The following P3H2 variants were observed in gnomAD, a reference collection of about 807,000 sequenced individuals.
P3H2 encodes the protein prolyl 3-hydroxylase 2.
A neutral mutation model predicts 87.0 loss-of-function variants in P3H2; 80 were observed. The observed-to-expected ratio is 0.92, with a 90% CI of 0.77 to 1.11. The LOEUF (loss-of-function observed/expected upper bound fraction) is 1.11. Ranked by LOEUF, P3H2 falls within the 50% of genes least tolerant of loss-of-function variation. P3H2 has a pLI of 0.00. For synonymous variants in P3H2, 367 were observed against 359.3 expected (o/e 1.02, Z -0.24); for missense variants, 1,001 against 923.9 (o/e 1.08, Z -1.08).
Position 189,991,314 on chromosome 3 carries a change from C to T in P3H2, c.824-2276G>A, listed in dbSNP as rs144982903. On this transcript the variant is annotated intron_variant, in intron 3 of 14. Transcript: ENST00000319332. ...GGTGTGTCACAAATTGGTCATTCGTCACATTAATTTTCAGTCTACTTCCTA... is the reference window on the plus strand; with the variant it reads ...GGTGTGTCACAAATTGGTCATTCGTTACATTAATTTTCAGTCTACTTCCTA... Among the ~76,000 whole-genome samples the T allele has an allele frequency of 2.2e-4, 34 of 152,314 alleles. No individual in the cohort carries two copies. In the East Asian group the frequency reaches 6.4e-3, roughly 29 times the overall value.
intron 14 of P3H2, among the ~76,000 whole-genome samples, chr3:189,960,867 A>C (rs1467905211): frequency 6.6e-6 from 1 of 152,246 alleles, no homozygotes; most frequent in African/African-American, 2.4e-5. Flanking sequence ...AGATATACTA[A>C]ATAACAGAAA....
At chr3:190,036,160 TCA>T (rs1185983287) in intron 1 of P3H2, among the ~76,000 whole-genome samples, 2 of 152,194 alleles carry the variant, frequency 1.3e-5, no homozygotes, top group Non-Finnish European at 2.9e-5. Context: ...TAAAATGAAG[TCA>T]CAGTTTGTCT....
At chr3:190,066,348 G>A (rs1726504609) in intron 1 of P3H2, among the ~76,000 whole-genome samples, 1 of 151,868 alleles carries the variant, frequency 6.6e-6, no homozygotes, top group Non-Finnish European at 1.5e-5. Flanking sequence ...AACCTGTATG[G>A]GATTGGTGAC....
At chr3:190,059,778 A>G (rs1726278309) in intron 1 of P3H2, among the ~76,000 whole-genome samples, 1 of 152,266 alleles carries the variant, frequency 6.6e-6, no homozygotes, top group South Asian at 2.1e-4. Flanking sequence ...AGTATCCTGC[A>G]AGAGCCCTAA....
chr3:190,050,516 G>A (rs1725947709), intron 1 of P3H2, among the ~76,000 whole-genome samples: 1 of 151,978 alleles, frequency 6.6e-6, no homozygotes, highest in Non-Finnish European at 1.5e-5. Context: ...GTCAGGTTTT[G>A]TTTTTTTCTG....
At chr3:190,058,257 A>G (rs1726223371) in intron 1 of P3H2, among the ~76,000 whole-genome samples, 1 of 152,104 alleles carries the variant, frequency 6.6e-6, no homozygotes, top group Non-Finnish European at 1.5e-5. Context: ...CTTTTTCAGT[A>G]AGATGGGGAT....
intron 1 of P3H2, among the ~76,000 whole-genome samples, chr3:190,058,928 C>T (rs1726251460): frequency 5.9e-5 from 9 of 152,174 alleles, no homozygotes; most frequent in Admixed American, 3.3e-4. Flanking sequence ...CCTTCTTTCC[C>T]TGCTATCCTT....
At chr3:189,996,828 A>G (rs192026414) in intron 1 of P3H2, among the ~76,000 whole-genome samples, 23 of 152,326 alleles carry the variant, frequency 1.5e-4, no homozygotes, top group Middle Eastern at 3.4e-3. Context: ...AACAGCACAT[A>G]AAATGCTTTA....
rs778614714 is a variant in P3H2 at position 190,120,691 on chromosome 3, A to G, written c.41T>C (p.Leu14Pro). 16 of 1,504,064 alleles carry G rather than the reference A, an allele frequency of 1.1e-5. No homozygotes were observed. The highest frequency in any genetic ancestry group is 2.2e-4 in the Middle Eastern group (1 of 4,626). The allele number at this position is 1,504,064 out of a possible 1,614,324, so 93.2% of individuals were successfully genotyped here. A position where few individuals can be genotyped will look rare whatever the true frequency, so the allele number is the denominator to read the frequency against. The change falls in exon 1 of 15, where the codon CTG becomes CCG. Residue 14 changes from leucine to proline, a missense_variant. Physicochemically the swap from Leu to Pro is moderately conservative, Grantham distance 98 (BLOSUM62 -3). Transcript: ENST00000319332. The stretch of plus-strand genomic sequence containing the variant: ...CAGTGGCGGCGGCAGTAGCAGCGGC[A>G]GCAGCAGCAGCAGCGGCGGCGCCCA... ...RIWAPPLLLL[L>P]PLLLPPPLWG... is the part of the protein sequence containing the mutation.
intron 1 of P3H2, among the ~76,000 whole-genome samples, chr3:190,075,773 T>G (rs1726853386): frequency 6.6e-6 from 1 of 152,096 alleles, no homozygotes; most frequent in Non-Finnish European, 1.5e-5. Flanking sequence ...GGAGATCAGG[T>G]TGAAAGATAG....
chr3:189,994,388 G>A (rs1165463370), intron 2 of P3H2, 105 bp from the exon 3 acceptor site: 1 of 869,990 alleles, frequency 1.1e-6, no homozygotes, highest in Admixed American at 2.1e-5. Flanking sequence ...GATCATCTAG[G>A]TAGATGGGGT....
intron 14 of P3H2, among the ~76,000 whole-genome samples, chr3:189,961,100 C>T (rs1000696890): frequency 6.6e-6 from 1 of 152,150 alleles, no homozygotes; most frequent in Non-Finnish European, 1.5e-5. Context: ...GCCACCATGC[C>T]TGGCTAATTT....
chr3:189,998,946 G>A (rs1046317631), intron 1 of P3H2, among the ~76,000 whole-genome samples: 5 of 152,164 alleles, frequency 3.3e-5, no homozygotes, highest in Non-Finnish European at 7.3e-5. Context: ...GCACTCCTAT[G>A]AGAACCTAAG....
chr3:190,102,964 T>C lies in P3H2; in HGVS notation c.480+17288A>G, dbSNP rs534966549. Among the ~76,000 whole-genome samples the C allele has an allele frequency of 1.9e-4, 29 of 152,354 alleles. No homozygotes were observed. In the South Asian group the frequency reaches 6.0e-3, roughly 32 times the overall value. ...AGACTGTCCACCAGCAAAAAGACTG[T>C]ATCTTGCTGAAGGCTCAGATACTTT... On this transcript the variant is annotated intron_variant, in intron 1 of 14. Transcript: ENST00000319332.
intron 8 of P3H2, among the ~76,000 whole-genome samples, chr3:189,979,356 A>T (rs1723453817): frequency 6.6e-6 from 1 of 152,260 alleles, no homozygotes; most frequent in Admixed American, 6.5e-5. Context: ...TGAACCCAGG[A>T]GGCAGAGGTT....
intron 1 of P3H2, among the ~76,000 whole-genome samples, chr3:190,101,401 G>A (rs1336882232): frequency 4.0e-5 from 5 of 124,210 alleles, no homozygotes; most frequent in African/African-American, 6.2e-5. Context: ...AAAAGCGATT[G>A]AAGGAAATTA....
At chr3:190,107,104 A>G (rs1481353763) in intron 1 of P3H2, among the ~76,000 whole-genome samples, 2 of 152,204 alleles carry the variant, frequency 1.3e-5, no homozygotes, top group African/African-American at 2.4e-5. Flanking sequence ...AACAAAATGT[A>G]TCAAGAAGAT....
intron 1 of P3H2, among the ~76,000 whole-genome samples, chr3:190,006,479 A>G (rs1310237898): frequency 6.6e-6 from 1 of 152,244 alleles, no homozygotes; most frequent in Non-Finnish European, 1.5e-5. Flanking sequence ...CAGTCATAGA[A>G]CTGTGATAGA....
intron 12 of P3H2, chr3:189,971,458 C>A: frequency 3.8e-6 from 1 of 263,762 alleles, no homozygotes. Context: ...TTCTTTTCTC[C>A]TGAGTTTCTA....
Sources: gnomAD v4.1 joint callset for allele counts (sites outside exome capture counted in the v4.1 genomes callset) on GRCh38, gnomAD v4.1.1 for gene constraint, MANE v1.5 for transcripts, NCBI Gene and HGNC (gene_info 2026-07-23, HGNC 2026-07-21) for gene names.